Variants in SNX10 observed in about 807,000 individuals in gnomAD.
The protein encoded by SNX10 is sorting nexin 10.
Under a neutral mutation model 28.5 loss-of-function variants are expected in SNX10, and 25 were observed. The ratio of observed to expected loss-of-function variants is 0.88; its 90% CI spans 0.64 to 1.22. The LOEUF (loss-of-function observed/expected upper bound fraction) is 1.22. SNX10 is among the 50% of genes most tolerant of loss of function. The pLI is 0.00. For missense variants in SNX10, 223 were observed against 242.6 expected (o/e 0.92, Z 0.54); for synonymous variants, 62 against 81.4 (o/e 0.76, Z 1.28).
chr7:26,331,890 C>T lies in SNX10; in HGVS notation c.-23-14530C>T, dbSNP rs557823285. On this transcript the variant is annotated intron_variant, in intron 1 of 6. Coordinates refer to ENST00000338523, the MANE Select transcript of SNX10 (RefSeq NM_013322.3). ...AGACTGTTGTGACCGGTTTCTTTCACTTATTGTAATGTTTTCAGGGTTTAT... is the reference window on the plus strand; with the variant it reads ...AGACTGTTGTGACCGGTTTCTTTCATTTATTGTAATGTTTTCAGGGTTTAT... Among the ~76,000 whole-genome samples, 2 of 152,284 alleles carry T rather than the reference C, an allele frequency of 1.3e-5. 1 individual carries two copies. Among genetic ancestry groups the T allele is most frequent in the East Asian group, 3.9e-4 (2 of 5,186 alleles).
rs531088179 is a variant in SNX10 at position 26,326,568 on chromosome 7, GAGCAA to G, written c.-23-19851_-23-19847del. On this transcript the variant is annotated intron_variant, in intron 1 of 6. Transcript: ENST00000338523. ...TTAGTGATGGCCAACTGGGACACCA[GAGCAA>G]GGCTGCCTGGGTTCAAGTCCCAATT... is the stretch of plus-strand genomic sequence containing the variant. 5.6e-3 allele frequency among the ~76,000 whole-genome samples: 856 copies of G among 152,330 alleles called. 3 individuals carry two copies. The highest frequency in any genetic ancestry group is 8.7e-3 in the Non-Finnish European group (591 of 68,038).
Position 26,374,337 on chromosome 7 carries a change from G to A in SNX10, c.*1765G>A, listed in dbSNP as rs897449209. 7.2e-5 allele frequency: 11 copies of A among 151,854 alleles called. No homozygotes were observed. Among genetic ancestry groups the A allele is most frequent in the East Asian group, 3.8e-4 (2 of 5,200 alleles). 9.4% of individuals were successfully genotyped at this position (151,854 alleles called of 1,614,324 possible). A position where few individuals can be genotyped will look rare whatever the true frequency, so the allele number is the denominator to read the frequency against. On this transcript the variant is annotated 3_prime_UTR_variant, in exon 7 of 7. Transcript: ENST00000338523. ...AACGTGAAAAAAAATCAACTTTGCCGGATCACTTATTTTATACAAGAGAAT... is the reference window on the plus strand; with the variant it reads ...AACGTGAAAAAAAATCAACTTTGCCAGATCACTTATTTTATACAAGAGAAT...
intron 5 of SNX10, among the ~76,000 whole-genome samples, chr7:26,369,010 G>A (rs1185201505): frequency 2.6e-5 from 4 of 152,036 alleles, no homozygotes; most frequent in Non-Finnish European, 2.9e-5. Context: ...GAGGAAAACT[G>A]TGCTTTTCAA....
intron 1 of SNX10, among the ~76,000 whole-genome samples, chr7:26,320,157 T>A (rs1325392892): frequency 6.6e-6 from 1 of 151,774 alleles, no homozygotes; most frequent in East Asian, 1.9e-4. Flanking sequence ...AGTTTTCATA[T>A]TTTTAGTAGA....
At chr7:26,356,779 G>A (rs769781939) in intron 2 of SNX10, among the ~76,000 whole-genome samples, 14 of 152,122 alleles carry the variant, frequency 9.2e-5, no homozygotes, top group Non-Finnish European at 1.9e-4. Flanking sequence ...TCTTTAGGGT[G>A]CTAGAAAACA....
intron 1 of SNX10, among the ~76,000 whole-genome samples, chr7:26,332,871 TC>T (rs1787796478): frequency 6.6e-6 from 1 of 152,134 alleles, no homozygotes; most frequent in Non-Finnish European, 1.5e-5. Context: ...GTTGGGGAAA[TC>T]AATTGACTAG....
At chr7:26,359,407 C>T (rs1331164370) in intron 2 of SNX10, among the ~76,000 whole-genome samples, 1 of 152,128 alleles carries the variant, frequency 6.6e-6, no homozygotes. Context: ...TCTTTTTCTT[C>T]TGCTCTCAAG....
intron 1 of SNX10, among the ~76,000 whole-genome samples, chr7:26,294,232 T>G (rs1004821879): frequency 6.6e-6 from 1 of 152,232 alleles, no homozygotes; most frequent in Non-Finnish European, 1.5e-5. Flanking sequence ...CTGGTAGGTA[T>G]GAATTAGCTC....
At chr7:26,347,722 C>A (rs375350146) in intron 2 of SNX10, among the ~76,000 whole-genome samples, 39 of 152,024 alleles carry the variant, frequency 2.6e-4, no homozygotes, top group African/African-American at 9.2e-4. Context: ...TAGTGGCATG[C>A]GTCTGTAGTT....
At chr7:26,327,730 T>TTTTTC (rs1554354055) in intron 1 of SNX10, among the ~76,000 whole-genome samples, 1 of 135,454 alleles carries the variant, frequency 7.4e-6, no homozygotes, top group African/African-American at 2.8e-5. Context: ...TCTTTTCTTT[T>TTTTTC]TTTTTTTTTT....
At chr7:26,317,659 CTTTTTTTTTTTTTT>C (rs11310428) in intron 1 of SNX10, among the ~76,000 whole-genome samples, 2 of 106,220 alleles carry the variant, frequency 1.9e-5, no homozygotes, top group Non-Finnish European at 3.8e-5. Context: ...CTTCTTTGAT[CTTTTTTTTTTTTTT>C]TTTTTTTGAG....
Position 26,291,914 on chromosome 7 carries a change from C to CGCGGGGAG in SNX10, c.-196_-195insGCGGGGAG, listed in dbSNP as rs1562775883. The CGCGGGGAG allele has an allele frequency of 2.2e-5, 3 of 137,962 alleles. No homozygotes were observed. The highest frequency in any genetic ancestry group is 7.6e-5 in the Admixed American group (1 of 13,230). The allele number at this position is 137,962 out of a possible 1,614,324, so 8.5% of individuals were successfully genotyped here. On this transcript the variant is annotated 5_prime_UTR_variant, in exon 1 of 7. Coordinates refer to ENST00000338523, the MANE Select transcript of SNX10 (RefSeq NM_013322.3). ...GCTGGCGCTGAGCGCGGGCGCGGGGCCGCTACGTGCGCGGGGAGCGCGGGG... is the reference window on the plus strand; with the variant it reads ...GCTGGCGCTGAGCGCGGGCGCGGGGCGCGGGGAGCGCTACGTGCGCGGGGAGCGCGGGG...
chr7:26,349,417 G>A (rs927462930), intron 2 of SNX10, among the ~76,000 whole-genome samples: 1 of 151,128 alleles, frequency 6.6e-6, no homozygotes, highest in Non-Finnish European at 1.5e-5. Context: ...CTTTATGACT[G>A]TAATAAATCT....
chr7:26,312,779 G>A (rs1023784660), intron 1 of SNX10, among the ~76,000 whole-genome samples: 1 of 151,918 alleles, frequency 6.6e-6, no homozygotes, highest in Non-Finnish European at 1.5e-5. Context: ...GTGAGACTCC[G>A]TCTCAAAAAA....
chr7:26,312,541 T>C (rs544406484), intron 1 of SNX10, among the ~76,000 whole-genome samples: 5 of 152,204 alleles, frequency 3.3e-5, no homozygotes, highest in South Asian at 4.1e-4. Context: ...ATCCCAGCAC[T>C]TTGGGAGGCC....
chr7:26,321,104 G>A (rs558077588), intron 1 of SNX10, among the ~76,000 whole-genome samples: 2 of 152,304 alleles, frequency 1.3e-5, no homozygotes, highest in South Asian at 2.1e-4. Flanking sequence ...GTAGCCCTGC[G>A]TTTGGATCAG....
chr7:26,339,836 C>T lies in SNX10; in HGVS notation c.-23-6584C>T, dbSNP rs114219832. The stretch of plus-strand genomic sequence containing the variant: ...TACTGGGATTACAGGCGTGAGTCAC[C>T]CCACCTGGCCGATCTTTTTTTTTTT... On this transcript the variant is annotated intron_variant, in intron 1 of 6. Transcript: ENST00000338523. 8.4e-3 allele frequency among the ~76,000 whole-genome samples: 1,250 copies of T among 148,470 alleles called. 17 individuals are homozygous for T. Among genetic ancestry groups the T allele is most frequent in the African/African-American group, 0.03 (1,182 of 39,902 alleles).
At chr7:26,316,519 G>C (rs1003366147) in intron 1 of SNX10, among the ~76,000 whole-genome samples, 1 of 152,190 alleles carries the variant, frequency 6.6e-6, no homozygotes, top group African/African-American at 2.4e-5. Context: ...ATGACAAACT[G>C]TAGTTCTGTT....
intron 1 of SNX10, among the ~76,000 whole-genome samples, chr7:26,298,220 C>CA (rs1005455304): frequency 6.6e-6 from 1 of 150,896 alleles, no homozygotes; most frequent in Admixed American, 6.6e-5. Context: ...GACTCAGTCT[C>CA]AAAAAAAAGG....
Sources: allele counts gnomAD v4.1 joint callset (sites outside exome capture counted in the v4.1 genomes callset), GRCh38; gene constraint gnomAD v4.1.1; transcripts MANE v1.5; gene names NCBI Gene and HGNC (gene_info 2026-07-23, HGNC 2026-07-21).